Variants in VGLL4 observed in about 807,000 individuals in gnomAD.
VGLL4 encodes transcription cofactor vestigial-like protein 4.
VGLL4 carries 7 observed loss-of-function variants against 21.0 expected under a neutral mutation model. That is an observed-to-expected ratio of 0.33 (90% CI 0.19 to 0.63). VGLL4 has a LOEUF of 0.63. VGLL4 is among the 20% of genes least tolerant of loss of function. The probability of loss-of-function intolerance (pLI) is 0.78; values close to 1 mark genes in which losing one functional copy is unlikely to be tolerated. For synonymous variants in VGLL4, 222 were observed against 173.2 expected, an observed-to-expected ratio of 1.28 and a Z score of -2.21; for missense variants, 394 against 425.7, an observed-to-expected ratio of 0.93 and a Z score of 0.66.
Position 11,564,958 on chromosome 3 carries a change from C to G in VGLL4, c.334G>C (p.Glu112Gln). The G allele has an allele frequency of 6.4e-7, 1 of 1,559,680 alleles. No homozygotes were observed. The highest frequency in any genetic ancestry group is 1.4e-5 in the African/African-American group (1 of 72,462). Residue 112 changes from glutamate to glutamine, a missense_variant, in exon 3 of 5, where the codon GAG becomes CAG. Transcript: ENST00000430365. ...DPRERSRSPI[E>Q]RAVAPTMSLH... ...CTCATGGTGGGGGCCACAGCGCGCT[C>G]GATGGGGCTGCGGCTCCGCTCCCGG...
At chr3:11,657,110 C>G (rs903256336) in intron 2 of VGLL4, among the ~76,000 whole-genome samples, 1 of 152,176 alleles carries the variant, frequency 6.6e-6, no homozygotes, top group African/African-American at 2.4e-5. Flanking sequence ...AGTTCCCAGG[C>G]CATAACCTTT....
At chr3:11,624,563 A>C (rs1160383297) in intron 1 of VGLL4, among the ~76,000 whole-genome samples, 1 of 151,880 alleles carries the variant, frequency 6.6e-6, no homozygotes, top group East Asian at 1.9e-4. Flanking sequence ...GAGATCAGGG[A>C]CTTCATTAAG....
intron 1 of VGLL4, chr3:11,612,596 T>C (rs2075084660): frequency 6.6e-6 from 1 of 152,230 alleles, no homozygotes; most frequent in South Asian, 2.1e-4. Flanking sequence ...TACCTTCTAT[T>C]CTTGGTCCTC....
intron 1 of VGLL4, among the ~76,000 whole-genome samples, chr3:11,706,007 T>C (rs1315573131): frequency 6.6e-6 from 1 of 152,170 alleles, no homozygotes; most frequent in African/African-American, 2.4e-5. Flanking sequence ...TTTAGACTCA[T>C]AATTCTCTAA....
chr3:11,597,622 C>T (rs1418840069), intron 2 of VGLL4, among the ~76,000 whole-genome samples: 1 of 152,116 alleles, frequency 6.6e-6, no homozygotes, highest in Non-Finnish European at 1.5e-5. Flanking sequence ...TGGGACCGTC[C>T]TTCATCATGA....
rs867294688 is a variant in VGLL4 at position 11,574,834 on chromosome 3, T to C, written c.273-9815A>G. Among the ~76,000 whole-genome samples the C allele has an allele frequency of 2.2e-4, 32 of 147,450 alleles. 1 individual carries two copies. The highest frequency in any genetic ancestry group is 7.0e-3 in the Middle Eastern group (2 of 286). ...GTGTGTGTGTGTGTGTGTGTGTGTG[T>C]GTGTATTTTAAAAGCTGGAGGGCTA... is the stretch of plus-strand genomic sequence containing the variant. On this transcript the variant is annotated intron_variant, in intron 2 of 4. Transcript: ENST00000430365.
chr3:11,643,667 G>C lies in VGLL4; in HGVS notation c.-149C>G. 3 of 1,346,086 alleles carry C rather than the reference G, an allele frequency of 2.2e-6. No individual in the cohort carries two copies. The highest frequency in any genetic ancestry group is 2.9e-6 in the Non-Finnish European group (3 of 1,051,008). 83.4% of individuals were successfully genotyped at this position (1,346,086 alleles called of 1,614,324 possible). On this transcript the variant is annotated 5_prime_UTR_variant, in exon 1 of 5. Coordinates refer to ENST00000430365, the MANE Select transcript of VGLL4 (RefSeq NM_001128219.3). Reference sequence around the variant, plus strand: ...GACTATCAAAACAAAGTATGCAAAAGTTAAAAAAAAAAAAATCAGGCACAA... The same window carrying C: ...GACTATCAAAACAAAGTATGCAAAACTTAAAAAAAAAAAAATCAGGCACAA...
At position 11,603,593 on chromosome 3, in the gene VGLL4, G is replaced by C. The variant is rs550833493; in HGVS notation, c.83-1571C>G. 2.0e-5 allele frequency among the ~76,000 whole-genome samples: 3 copies of C among 152,278 alleles called. No individual in the cohort carries two copies. In the South Asian group the frequency reaches 6.2e-4, roughly 32 times the overall value. On this transcript the variant is annotated intron_variant, in intron 1 of 4. Coordinates refer to ENST00000430365, the MANE Select transcript of VGLL4 (RefSeq NM_001128219.3). ...CCAAGGGAAAGCTTCAGAAGCCCAA[G>C]CCCAGCTAACTTTCTGGGAAGCCCT...
chr3:11,583,069 A>G (rs2074275532), intron 2 of VGLL4, among the ~76,000 whole-genome samples: 1 of 152,170 alleles, frequency 6.6e-6, no homozygotes, highest in Non-Finnish European at 1.5e-5. Flanking sequence ...CGGAGAAGTG[A>G]AGCAGAAGAT....
chr3:11,678,997 C>T (rs957143631), intron 2 of VGLL4, among the ~76,000 whole-genome samples: 2 of 152,080 alleles, frequency 1.3e-5, no homozygotes, highest in African/African-American at 2.4e-5. Context: ...ACCTGCGCTG[C>T]CAGTCATATA....
At position 11,655,734 on chromosome 3, in the gene VGLL4, G is replaced by C. The variant is rs113878467; in HGVS notation, c.64+47237C>G. Among the ~76,000 whole-genome samples, 321 of 152,304 alleles carry C rather than the reference G, an allele frequency of 2.1e-3. 1 individual carries two copies. The highest frequency in any genetic ancestry group is 7.4e-3 in the African/African-American group (309 of 41,562). ...ACAGTGGGGTTTCCAGTTTGTGTCT[G>C]GTTCCGGCTGGTGGCGGGGGGTTTC... is the stretch of plus-strand genomic sequence containing the variant. On this transcript the variant is annotated intron_variant, in intron 2 of 5. Coordinates refer to the VGLL4 transcript ENST00000273038.
chr3:11,657,654 C>T (rs1427101960), intron 2 of VGLL4, among the ~76,000 whole-genome samples: 2 of 152,186 alleles, frequency 1.3e-5, no homozygotes, highest in Non-Finnish European at 2.9e-5. Context: ...TCCTGGCTGT[C>T]ACTAGTTCTA....
In VGLL4 at chr3:11,558,328, A is replaced by G; in HGVS notation, c.*228T>C. ...GCAGGAAGTAAGGATGCTACATTAG[A>G]CAGATGTTCCACGCGTAGTTCCTGC... On this transcript the variant is annotated 3_prime_UTR_variant, in exon 5 of 5. Coordinates refer to ENST00000430365, the MANE Select transcript of VGLL4 (RefSeq NM_001128219.3). 1 of 683,606 alleles carries G rather than the reference A, an allele frequency of 1.5e-6. No individual in the cohort carries two copies. The highest frequency in any genetic ancestry group is 2.7e-5 in the East Asian group (1 of 36,370). 42.3% of individuals were successfully genotyped at this position (683,606 alleles called of 1,614,324 possible). A position where few individuals can be genotyped will look rare whatever the true frequency, so the allele number is the denominator to read the frequency against.
intron 2 of VGLL4, among the ~76,000 whole-genome samples, chr3:11,655,992 A>T (rs1405118485): frequency 1.3e-5 from 2 of 152,226 alleles, no homozygotes; most frequent in Non-Finnish European, 1.5e-5. Flanking sequence ...CTAAGCTGGG[A>T]ACAGAGGAAA....
Position 11,643,777 on chromosome 3 carries a change from G to T in VGLL4, c.-259C>A, listed in dbSNP as rs541242151. 1 of 1,193,264 alleles carries T rather than the reference G, an allele frequency of 8.4e-7. No homozygotes were observed. Among genetic ancestry groups the T allele is most frequent in the South Asian group, 2.7e-5 (1 of 37,538 alleles). 73.9% of individuals were successfully genotyped at this position (1,193,264 alleles called of 1,614,324 possible). A position where few individuals can be genotyped will look rare whatever the true frequency, so the allele number is the denominator to read the frequency against. ...ATCCCCGATCGAGTATGAAAACAGCGTTTCAGAAGTCCTTACAAGTCCTTC... is the reference window on the plus strand; with the variant it reads ...ATCCCCGATCGAGTATGAAAACAGCTTTTCAGAAGTCCTTACAAGTCCTTC... On this transcript the variant is annotated 5_prime_UTR_variant, in exon 1 of 5. Transcript: ENST00000430365.
chr3:11,644,615 G>A (rs915289958), upstream of VGLL4, among the ~76,000 whole-genome samples: 1 of 152,098 alleles, frequency 6.6e-6, no homozygotes, highest in Non-Finnish European at 1.5e-5. Context: ...CCTAGTCGAA[G>A]CAGGCGGATC....
rs181866427 is a variant in VGLL4 at position 11,621,801 on chromosome 3, A to G, written c.83-19779T>C. On this transcript the variant is annotated intron_variant, in intron 1 of 4. Coordinates refer to ENST00000430365, the MANE Select transcript of VGLL4 (RefSeq NM_001128219.3). ...CACCAGCAACGTATGAGGCATTCCA[A>G]TTTCTCCACATCCTCACCAACACTT... Among the ~76,000 whole-genome samples, 9 of 152,286 alleles carry G rather than the reference A, an allele frequency of 5.9e-5. No homozygotes were observed. In the East Asian group the frequency reaches 1.5e-3, roughly 26 times the overall value.
chr3:11,677,545 G>A (rs1015856777), intron 2 of VGLL4, among the ~76,000 whole-genome samples: 3 of 152,088 alleles, frequency 2.0e-5, no homozygotes, highest in African/African-American at 4.8e-5. Context: ...GAAGTCCTGA[G>A]ACCACAGACA....
chr3:11,584,267 T>G (rs1007962278), intron 2 of VGLL4, among the ~76,000 whole-genome samples: 1 of 151,960 alleles, frequency 6.6e-6, no homozygotes, highest in African/African-American at 2.4e-5. Context: ...AACAACATCA[T>G]GGTCACAGAA....
Sources: allele counts gnomAD v4.1 joint callset (sites outside exome capture counted in the v4.1 genomes callset), GRCh38; gene constraint gnomAD v4.1.1; transcripts MANE v1.5; gene names NCBI Gene and HGNC (gene_info 2026-07-23, HGNC 2026-07-21).